Variants in ETV1 observed in about 807,000 individuals in gnomAD.
ETV1 encodes the protein ETS translocation variant 1.
Under a neutral mutation model 62.3 loss-of-function variants are expected in ETV1, and 27 were observed. That is an observed-to-expected ratio of 0.43 (90% CI 0.32 to 0.60). ETV1 has a LOEUF of 0.60. Ranked by LOEUF, ETV1 falls within the 20% of genes least tolerant of loss-of-function variation. The probability of loss-of-function intolerance (pLI) is 0.06; values close to 1 mark genes in which losing one functional copy is unlikely to be tolerated. For synonymous variants in ETV1, 222 were observed against 199.6 expected (o/e 1.11, Z -0.94); for missense variants, 605 against 605.8 (o/e 1.00, Z 0.01).
In ETV1 at chr7:13,971,881, C is replaced by T. The variant is rs10224366; in HGVS notation, c.235+5546G>A. On this transcript the variant is annotated intron_variant, in intron 6 of 13. Transcript: ENST00000430479. ...ATCCCAGCACTTTGGGAAGCTAAGG[C>T]GGGCGGATCACTTGAAGTCAGGAGT... Among the ~76,000 whole-genome samples the T allele has an allele frequency of 3.0e-3, 455 of 152,214 alleles. 3 individuals carry two copies. Among genetic ancestry groups the T allele is most frequent in the African/African-American group, 0.01 (436 of 41,544 alleles).
intron 6 of ETV1, among the ~76,000 whole-genome samples, chr7:13,970,619 G>A (rs1046691742): frequency 1.2e-4 from 19 of 152,260 alleles, no homozygotes; most frequent in African/African-American, 3.8e-4. Flanking sequence ...AACGAAAGAA[G>A]ATGAAGTTTT....
At chr7:13,967,753 C>T (rs1031341484) in intron 6 of ETV1, among the ~76,000 whole-genome samples, 7 of 151,610 alleles carry the variant, frequency 4.6e-5, no homozygotes, top group African/African-American at 1.5e-4. Context: ...CATACAATTA[C>T]GATGTGAAGG....
At chr7:13,939,087 A>T in intron 7 of ETV1, 30 bp downstream of exon 7, 3 of 1,600,294 alleles carry the variant, frequency 1.9e-6, no homozygotes, top group Non-Finnish European at 2.6e-6. Flanking sequence ...AAGAACCACT[A>T]TCCTACATAC....
intron 7 of ETV1, among the ~76,000 whole-genome samples, chr7:13,937,887 G>A (rs1562646945): frequency 6.6e-6 from 1 of 152,156 alleles, no homozygotes; most frequent in Admixed American, 6.5e-5. Context: ...AAGTTTGCAA[G>A]AACAAATGGT....
At chr7:13,979,884 G>A (rs1781818940) in intron 5 of ETV1, among the ~76,000 whole-genome samples, 1 of 152,064 alleles carries the variant, frequency 6.6e-6, no homozygotes, top group African/African-American at 2.4e-5. Flanking sequence ...CCTAATATAT[G>A]TCACTGCAAG....
At position 13,894,662 on chromosome 7, in the gene ETV1, T is replaced by A; in HGVS notation, c.*1204A>T. 1 of 232,680 alleles carries A rather than the reference T, an allele frequency of 4.3e-6. No individual in the cohort carries two copies. Among genetic ancestry groups the A allele is most frequent in the Non-Finnish European group, 8.5e-6 (1 of 117,464 alleles). The allele number at this position is 232,680 out of a possible 1,614,324, so 14.4% of individuals were successfully genotyped here. ...AGCAATAAATGGTTTGAGTCATCTATTTTGTCCTGAAATGCTATCTGTAGT... is the reference window on the plus strand; with the variant it reads ...AGCAATAAATGGTTTGAGTCATCTAATTTGTCCTGAAATGCTATCTGTAGT... On this transcript the variant is annotated 3_prime_UTR_variant, in exon 14 of 14. Transcript: ENST00000430479.
intron 6 of ETV1, among the ~76,000 whole-genome samples, chr7:13,970,303 CA>C (rs1562698629): frequency 2.3e-5 from 3 of 131,020 alleles, no homozygotes; most frequent in African/African-American, 5.3e-5. Flanking sequence ...CACACACACA[CA>C]CACACACACA....
intron 6 of ETV1, among the ~76,000 whole-genome samples, chr7:13,953,005 G>A (rs1468759452): frequency 6.6e-6 from 1 of 152,156 alleles, no homozygotes; most frequent in Non-Finnish European, 1.5e-5. Flanking sequence ...AACAGGGAAA[G>A]GAAGGCCTAA....
chr7:13,909,597 A>ATGATT (rs777580290), intron 11 of ETV1, 35 bp downstream of exon 11: 2 of 1,546,678 alleles, frequency 1.3e-6, no homozygotes, highest in South Asian at 2.3e-5. Flanking sequence ...CCATCTTTAA[A>ATGATT]AAAATCAGAA....
At chr7:13,913,579 A>T (rs2040883) in intron 9 of ETV1, among the ~76,000 whole-genome samples, 46,703 of 152,066 alleles carry the variant, frequency 0.31, 7,525 homozygotes, top group East Asian at 0.4. Flanking sequence ...TATGGGACTT[A>T]TTATTAATAA....
chr7:13,949,158 A>G (rs1562665260), intron 6 of ETV1, among the ~76,000 whole-genome samples: 2 of 151,108 alleles, frequency 1.3e-5, no homozygotes, highest in South Asian at 2.1e-4. Flanking sequence ...TGGCTATAGC[A>G]GTGATTTAAA....
At chr7:13,930,469 G>A (rs1302937773) in intron 9 of ETV1, among the ~76,000 whole-genome samples, 3 of 151,940 alleles carry the variant, frequency 2.0e-5, no homozygotes, top group Non-Finnish European at 2.9e-5. Context: ...CTACAGGCAC[G>A]TGCCAGCATG....
intron 5 of ETV1, among the ~76,000 whole-genome samples, chr7:13,984,983 C>T (rs1277913688): frequency 6.6e-6 from 1 of 151,578 alleles, no homozygotes; most frequent in Non-Finnish European, 1.5e-5. Context: ...TCACAGATTC[C>T]ACATTTTAAA....
chr7:13,916,582 A>G (rs1172530383), intron 9 of ETV1, among the ~76,000 whole-genome samples: 2 of 151,982 alleles, frequency 1.3e-5, no homozygotes, highest in Non-Finnish European at 2.9e-5. Context: ...AGGTTTCAGT[A>G]AGCCGAGATC....
chr7:13,910,228 C>CTTTTTTTTTTTTTTTTTTT (rs58867942), intron 10 of ETV1, among the ~76,000 whole-genome samples: 1 of 120,222 alleles, frequency 8.3e-6, no homozygotes, highest in Non-Finnish European at 1.7e-5. Context: ...AAAAGTTTCC[C>CTTTTTTTTTTTTTTTTTTT]TTTTTTTTTT....
chr7:13,972,370 T>C (rs1780995738), intron 6 of ETV1, among the ~76,000 whole-genome samples: 1 of 152,184 alleles, frequency 6.6e-6, no homozygotes, highest in Admixed American at 6.5e-5. Flanking sequence ...AGGCAGAGTT[T>C]GCAGTGAGCC....
At chr7:13,927,310 G>A (rs1015556583) in intron 9 of ETV1, among the ~76,000 whole-genome samples, 2 of 152,014 alleles carry the variant, frequency 1.3e-5, no homozygotes, top group African/African-American at 4.8e-5. Flanking sequence ...AAATCAGCTG[G>A]ACATGGTGGC....
At position 13,895,952 on chromosome 7, in the gene ETV1, G is replaced by C. The variant is rs946189887; in HGVS notation, c.1348C>G (p.Leu450Val). The change falls in exon 14 of 14, where the codon CTT (leucine) becomes GTT (valine). Residue 450 changes from leucine (L) to valine (V), a missense_variant. Leu to Val is a conservative substitution (Grantham distance 32). Around this residue, in one of 3 missense-constraint regions of ETV1, gnomAD observed 79 missense variants for 71.6 expected, o/e 1.10. Coordinates refer to ENST00000430479, the MANE Select transcript of ETV1 (RefSeq NM_004956.5). The stretch of plus-strand genomic sequence containing the variant: ...GCCATGCTCTCATCAAAGTGAGAAA[G>C]AGGCACTGTGTCCTCCTCGTTGATG... ...RHINEEDTVPLSHFDESMAYM... is the reference protein window; with the variant it reads ...RHINEEDTVPVSHFDESMAYM... The C allele has an allele frequency of 1.9e-6, 3 of 1,613,720 alleles. No individual in the cohort carries two copies. Among genetic ancestry groups the C allele is most frequent in the Admixed American group, 3.3e-5 (2 of 59,986 alleles).
chr7:13,917,874 A>G (rs978769747), intron 9 of ETV1, among the ~76,000 whole-genome samples: 23 of 151,892 alleles, frequency 1.5e-4, no homozygotes, highest in Non-Finnish European at 1.0e-4. Context: ...TGAGGCAGGA[A>G]AATGGCGTGA....
Sources: allele counts gnomAD v4.1 joint callset (sites outside exome capture counted in the v4.1 genomes callset), GRCh38; gene constraint gnomAD v4.1.1; regional missense constraint gnomAD v4.1.1; transcripts MANE v1.5; gene names NCBI Gene and HGNC (gene_info 2026-07-23, HGNC 2026-07-21).